Variants in CNTNAP2 observed in about 807,000 individuals in gnomAD.
CNTNAP2 encodes the protein contactin associated protein 2, also known as contactin-associated protein-like 2.
A neutral mutation model predicts 155.2 loss-of-function variants in CNTNAP2; 98 were observed. That is an observed-to-expected ratio of 0.63 (90% confidence interval 0.54 to 0.75). The LOEUF (loss-of-function observed/expected upper bound fraction) is 0.75. Among genes scored for constraint, CNTNAP2 ranks in the 30% least tolerant of loss-of-function variants. The pLI, the probability that CNTNAP2 is intolerant of heterozygous loss-of-function variation, is 0.00. For missense variants in CNTNAP2, 1,727 were observed against 1,688.1 expected (o/e 1.02, Z -0.40); for synonymous variants, 651 against 631.2 (o/e 1.03, Z -0.47).
At chr7:146,473,610 T>C (rs1328843442) in intron 1 of CNTNAP2, among the ~76,000 whole-genome samples, 1 of 152,224 alleles carries the variant, frequency 6.6e-6, no homozygotes, top group Non-Finnish European at 1.5e-5. Flanking sequence ...TTAATCTCAA[T>C]AAACGCCCCT....
intron 11 of CNTNAP2, among the ~76,000 whole-genome samples, chr7:147,501,711 T>C (rs1019989477): frequency 6.6e-6 from 1 of 152,232 alleles, no homozygotes; most frequent in Non-Finnish European, 1.5e-5. Flanking sequence ...TAAGCTATGA[T>C]GTTTGCTATG....
chr7:147,889,571 C>T (rs898653400), intron 13 of CNTNAP2, among the ~76,000 whole-genome samples: 2 of 152,062 alleles, frequency 1.3e-5, no homozygotes, highest in Non-Finnish European at 2.9e-5. Context: ...ATACCTAATG[C>T]TAAACTTGGG....
At chr7:148,143,917 A>T (rs1805124409) in intron 16 of CNTNAP2, among the ~76,000 whole-genome samples, 1 of 152,118 alleles carries the variant, frequency 6.6e-6, no homozygotes, top group South Asian at 2.1e-4. Context: ...GTCTCATCCA[A>T]AGTGGGTAGC....
chr7:148,202,982 C>T (rs1280990443), intron 18 of CNTNAP2, among the ~76,000 whole-genome samples: 3 of 152,184 alleles, frequency 2.0e-5, no homozygotes, highest in African/African-American at 7.2e-5. Flanking sequence ...ATGACAACCT[C>T]ATTTTCAGGA....
chr7:147,222,687 G>C (rs745586171), intron 8 of CNTNAP2, among the ~76,000 whole-genome samples: 17 of 152,032 alleles, frequency 1.1e-4, no homozygotes, highest in Non-Finnish European at 1.9e-4. Context: ...ACTTTAAACA[G>C]GCCTTTAGTA....
intron 3 of CNTNAP2, among the ~76,000 whole-genome samples, chr7:147,027,617 T>A (rs750969304): frequency 5.3e-4 from 81 of 152,212 alleles, no homozygotes; most frequent in Non-Finnish European, 8.7e-4. Context: ...CAGACTGAGA[T>A]TTTCATTTAA....
rs138477292 is a variant in CNTNAP2 at position 148,383,806 on chromosome 7, G to A, written c.3633G>A (p.Glu1211=). 14,151 of 1,614,160 alleles carry A rather than the reference G, an allele frequency of 8.8e-3. 93 individuals are homozygous for A. Among genetic ancestry groups the A allele is most frequent in the South Asian group, 0.017 (1,529 of 91,086 alleles). Residue 1211 remains glutamate, a synonymous_variant, in exon 22 of 24, where the codon GAG becomes GAA. Coordinates refer to ENST00000361727, the MANE Select transcript of CNTNAP2 (RefSeq NM_014141.6). ...AHVHIQGELV[E]SNCGASPLTL... ...TCCACATCCAGGGCGAGCTGGTGGA[G>A]TCCAACTGCGGGGCCTCGCCGCTGA...
At chr7:147,933,865 A>G (rs918170113) in intron 14 of CNTNAP2, among the ~76,000 whole-genome samples, 2 of 152,194 alleles carry the variant, frequency 1.3e-5, no homozygotes, top group Admixed American at 1.3e-4. Flanking sequence ...TCTATCTCAA[A>G]AAACAAAAAG....
intron 1 of CNTNAP2, among the ~76,000 whole-genome samples, chr7:146,163,621 G>A (rs781465631): frequency 2.0e-5 from 3 of 147,136 alleles, no homozygotes; most frequent in Admixed American, 6.8e-5. Context: ...GGTGACAGAC[G>A]CCTGTAATCC....
intron 1 of CNTNAP2, among the ~76,000 whole-genome samples, chr7:146,161,238 A>G (rs1798216719): frequency 1.3e-5 from 2 of 152,370 alleles, no homozygotes; most frequent in African/African-American, 2.4e-5. Context: ...AGCCACAGCC[A>G]GTATCATACT....
intron 22 of CNTNAP2, among the ~76,000 whole-genome samples, chr7:148,409,186 C>T (rs1799770283): frequency 6.6e-6 from 1 of 152,132 alleles, no homozygotes; most frequent in African/African-American, 2.4e-5. Flanking sequence ...TTTACCTAGG[C>T]CTTGTGCAAA....
At chr7:148,089,205 A>G (rs1381321688) in intron 15 of CNTNAP2, among the ~76,000 whole-genome samples, 1 of 152,026 alleles carries the variant, frequency 6.6e-6, no homozygotes, top group Admixed American at 6.6e-5. Context: ...ATCATATTCA[A>G]TTGAGAAAAG....
intron 4 of CNTNAP2, among the ~76,000 whole-genome samples, chr7:147,094,867 CAG>C (rs1800493594): frequency 6.6e-6 from 1 of 151,972 alleles, no homozygotes; most frequent in African/African-American, 2.4e-5. Context: ...TTATAAATAA[CAG>C]AAATCTAATT....
At chr7:147,980,567 A>G (rs530904034) in intron 15 of CNTNAP2, among the ~76,000 whole-genome samples, 3 of 152,182 alleles carry the variant, frequency 2.0e-5, no homozygotes, top group African/African-American at 7.2e-5. Context: ...GAGAATAAGT[A>G]TCCTACCTGG....
At chr7:146,566,095 T>G (rs923885903) in intron 1 of CNTNAP2, among the ~76,000 whole-genome samples, 1 of 152,244 alleles carries the variant, frequency 6.6e-6, no homozygotes, top group Non-Finnish European at 1.5e-5. Flanking sequence ...GGTTGCCTGT[T>G]GCTGGTGTAG....
At chr7:146,290,961 C>T (rs1165038662) in intron 1 of CNTNAP2, among the ~76,000 whole-genome samples, 1 of 152,158 alleles carries the variant, frequency 6.6e-6, no homozygotes, top group Non-Finnish European at 1.5e-5. Context: ...TCCTATAATA[C>T]CGTAATTCCT....
intron 19 of CNTNAP2, among the ~76,000 whole-genome samples, chr7:148,221,391 G>A (rs1489169549): frequency 6.6e-6 from 1 of 152,016 alleles, no homozygotes; most frequent in Non-Finnish European, 1.5e-5. Context: ...TCTCAGCCTG[G>A]GTGTCCGATT....
chr7:148,193,280 C>T (rs1795228445), intron 18 of CNTNAP2, among the ~76,000 whole-genome samples: 1 of 152,112 alleles, frequency 6.6e-6, no homozygotes, highest in Non-Finnish European at 1.5e-5. Context: ...CACTCCACTC[C>T]CCACAGATAA....
intron 1 of CNTNAP2, 96 bp downstream of exon 1, chr7:146,117,069 G>C: frequency 9.6e-7 from 1 of 1,040,630 alleles, no homozygotes; most frequent in South Asian, 1.4e-5. Flanking sequence ...TCGCAGTGCT[G>C]GCACCCTGAT....
Sources: allele counts gnomAD v4.1 joint callset (sites outside exome capture counted in the v4.1 genomes callset), GRCh38; gene constraint gnomAD v4.1.1; transcripts MANE v1.5; gene names NCBI Gene and HGNC (gene_info 2026-07-23, HGNC 2026-07-21).